DHX57: variants seen among roughly 807,000 people sequenced by gnomAD.
DHX57 encodes the protein putative ATP-dependent RNA helicase DHX57.
A neutral mutation model predicts 156.2 loss-of-function variants in DHX57; 105 were observed. That is an observed-to-expected ratio of 0.67 (90% CI 0.57 to 0.79). DHX57 has a LOEUF of 0.79. Ranked by LOEUF, DHX57 falls within the 30% of genes least tolerant of loss-of-function variation. The pLI is 0.00. For missense variants in DHX57, 1,847 were observed against 1,661.9 expected (o/e 1.11, Z -1.94); for synonymous variants, 704 against 595.6 (o/e 1.18, Z -2.65).
chr2:38,851,096 T>A (rs1036580240), intron 9 of DHX57, among the ~76,000 whole-genome samples: 1 of 152,082 alleles, frequency 6.6e-6, no homozygotes, highest in Non-Finnish European at 1.5e-5. Context: ...GATAATTCAT[T>A]AACTCATGCT....
intron 23 of DHX57, 126 bp downstream of exon 23, chr2:38,802,589 C>T: frequency 2.5e-6 from 3 of 1,219,112 alleles, no homozygotes; most frequent in Non-Finnish European, 3.4e-6. Context: ...GGCTCGGCCA[C>T]CGTCATTCAT....
intron 6 of DHX57, among the ~76,000 whole-genome samples, chr2:38,857,451 A>C (rs1187664514): frequency 1.3e-5 from 2 of 152,208 alleles, no homozygotes; most frequent in Non-Finnish European, 2.9e-5. Flanking sequence ...TCCTACATAT[A>C]ATTTTATCAT....
At chr2:38,846,917 C>T (rs914819962) in intron 11 of DHX57, 102 bp downstream of exon 11, 6 of 904,848 alleles carry the variant, frequency 6.6e-6, no homozygotes, top group African/African-American at 1.7e-5. Flanking sequence ...TTGAACTGGC[C>T]CCAAAAGATC....
Position 38,798,054 on chromosome 2 carries a change from AAGAC to A in DHX57, c.*241_*244del. 2.5e-6 allele frequency: 1 copy of A among 399,836 alleles called. No homozygotes were observed. Among genetic ancestry groups the A allele is most frequent in the Non-Finnish European group, 4.6e-6 (1 of 215,584 alleles). The allele number at this position is 399,836 out of a possible 1,614,324, so 24.8% of individuals were successfully genotyped here. On this transcript the variant is annotated 3_prime_UTR_variant, in exon 24 of 24. Coordinates refer to ENST00000457308, the MANE Select transcript of DHX57 (RefSeq NM_198963.3). ...TCACTCCAGAACAATCACAGAGACA[AAGAC>A]AGGCAAGCTGGGTTTTAGGCTCTCA... is the stretch of plus-strand genomic sequence containing the variant.
intron 12 of DHX57, 44 bp from the exon 13 acceptor site, chr2:38,837,991 G>T: frequency 8.0e-7 from 1 of 1,248,828 alleles, no homozygotes. Context: ...TTTATACCTT[G>T]TTGATGTATT....
intron 7 of DHX57, among the ~76,000 whole-genome samples, chr2:38,855,566 G>A (rs1302451199): frequency 6.6e-6 from 1 of 152,108 alleles, no homozygotes; most frequent in Non-Finnish European, 1.5e-5. Flanking sequence ...CAAAGAAAAG[G>A]AGTATTAGCT....
rs553440987 is a variant in DHX57 at position 38,848,523 on chromosome 2, C to T, written c.2031-121G>A. Reference sequence around the variant, plus strand: ...CTCTGTGAAAAAAAAAAACCATTAACGTTCATAGAACAATATGTCCTGTTC... The same window carrying T: ...CTCTGTGAAAAAAAAAAACCATTAATGTTCATAGAACAATATGTCCTGTTC... On this transcript the variant is annotated intron_variant, in intron 9 of 23. Coordinates refer to ENST00000457308, the MANE Select transcript of DHX57 (RefSeq NM_198963.3). 2.8e-4 allele frequency: 288 copies of T among 1,034,502 alleles called. 1 individual carries two copies. In the African/African-American group the frequency reaches 4.0e-3, roughly 14 times the overall value. 64.1% of individuals were successfully genotyped at this position (1,034,502 alleles called of 1,614,324 possible). A position where few individuals can be genotyped will look rare whatever the true frequency, so the allele number is the denominator to read the frequency against.
intron 13 of DHX57, among the ~76,000 whole-genome samples, chr2:38,836,853 GT>G (rs983070683): frequency 6.6e-6 from 1 of 151,904 alleles, no homozygotes; most frequent in Admixed American, 6.6e-5. Context: ...GTGGTGTGTG[GT>G]TTTTTTCTGT....
chr2:38,874,497 C>A (rs1241152249), intron 1 of DHX57, among the ~76,000 whole-genome samples: 1 of 149,618 alleles, frequency 6.7e-6, no homozygotes, highest in African/African-American at 2.5e-5. Flanking sequence ...GCAACCTCCA[C>A]CTCCCGGGTT....
In DHX57 at chr2:38,821,580, C is replaced by G. The variant is rs548854099; in HGVS notation, c.3291+1413G>C. Among the ~76,000 whole-genome samples, 162 of 152,248 alleles carry G rather than the reference C, an allele frequency of 1.1e-3. 2 individuals carry two copies. In the East Asian group the frequency reaches 0.028, roughly 27 times the overall value. ...TGGTGGCACACACCTGTAATCCCAGCTACTCGGGAGGCTGAGGCAGGAGAA... is the reference window on the plus strand; with the variant it reads ...TGGTGGCACACACCTGTAATCCCAGGTACTCGGGAGGCTGAGGCAGGAGAA... On this transcript the variant is annotated intron_variant, in intron 17 of 23. Coordinates refer to ENST00000457308, the MANE Select transcript of DHX57 (RefSeq NM_198963.3).
At chr2:38,801,505 G>A (rs1408343778) in intron 23 of DHX57, among the ~76,000 whole-genome samples, 2 of 152,210 alleles carry the variant, frequency 1.3e-5, no homozygotes, top group African/African-American at 4.8e-5. Flanking sequence ...TGCCTCCTGG[G>A]TTCAAGTGAT....
Position 38,823,100 on chromosome 2 carries a change from G to C in DHX57, c.3184C>G (p.Leu1062Val). ...LTPLGYHLAS[L>V]PVDVRIGKLM... ...TTGCCAATTCTCACATCCACGGGCA[G>C]AGAGGCCAAATGATACCCAAGAGGG... The change falls in exon 17 of 24, where the codon CTG (leucine) becomes GTG (valine). Residue 1062 changes from leucine (L) to valine (V), a missense_variant. By Grantham distance (32) the Leu-to-Val change is conservative. Transcript: ENST00000457308. The C allele has an allele frequency of 6.2e-7, 1 of 1,614,192 alleles. No individual in the cohort carries two copies.
intron 23 of DHX57, among the ~76,000 whole-genome samples, chr2:38,802,253 C>T (rs1669716375): frequency 6.6e-6 from 1 of 151,630 alleles, no homozygotes; most frequent in Non-Finnish European, 1.5e-5. Flanking sequence ...TTCAGCCTCA[C>T]TCTTTCTTAG....
At chr2:38,828,160 T>C (rs1317091355) in intron 14 of DHX57, among the ~76,000 whole-genome samples, 180 bp downstream of exon 14, 8 of 152,158 alleles carry the variant, frequency 5.3e-5, no homozygotes, top group Admixed American at 1.3e-4. Context: ...CTGGCCAATA[T>C]TTTTCTTTAA....
At position 38,811,542 on chromosome 2, in the gene DHX57, A is replaced by G. The variant is rs1572626221; in HGVS notation, c.3681+2279T>C. On this transcript the variant is annotated intron_variant, in intron 21 of 23. Transcript: ENST00000457308. ...TTCCTTGAAGTCTTCCTTCTGGCCA[A>G]CATTGGCCAGGTAGGCAATAATGTC... 30 of 1,157,418 alleles carry G rather than the reference A, an allele frequency of 2.6e-5. No homozygotes were observed. In the South Asian group the frequency reaches 3.1e-4, roughly 12 times the overall value. 71.7% of individuals were successfully genotyped at this position (1,157,418 alleles called of 1,614,324 possible). A position where few individuals can be genotyped will look rare whatever the true frequency, so the allele number is the denominator to read the frequency against.
chr2:38,826,905 C>A, intron 14 of DHX57, among the ~76,000 whole-genome samples: 1 of 151,970 alleles, frequency 6.6e-6, no homozygotes, highest in Non-Finnish European at 1.5e-5. Context: ...CTGAGGCAGG[C>A]GGATCACCCG....
At position 38,823,075 on chromosome 2, in the gene DHX57, T is replaced by A; in HGVS notation, c.3209A>T (p.Lys1070Ile). ...GAAGATAGACCCAAACAACATTAGT[T>A]TGCCAATTCTCACATCCACGGGCAG... The part of the protein sequence containing the change: ...ASLPVDVRIG[K>I]LMLFGSIFRC... Residue 1070 changes from lysine (K) to isoleucine (I), a missense_variant, in exon 17 of 24, where the codon AAA (lysine) becomes ATA (isoleucine). By Grantham distance (102) the Lys-to-Ile change is moderately radical. Coordinates refer to ENST00000457308, the MANE Select transcript of DHX57 (RefSeq NM_198963.3). 1 of 1,614,120 alleles carries A rather than the reference T, an allele frequency of 6.2e-7. No individual in the cohort carries two copies.
chr2:38,826,089 A>G (rs1214117842), intron 15 of DHX57, 42 bp from the exon 16 acceptor site: 3 of 1,582,134 alleles, frequency 1.9e-6, no homozygotes, highest in Non-Finnish European at 1.7e-6. Context: ...ATTTTATAAA[A>G]ACATGGCCAA....
chr2:38,870,940 A>C (rs991563415), intron 1 of DHX57, among the ~76,000 whole-genome samples: 1 of 152,076 alleles, frequency 6.6e-6, no homozygotes, highest in African/African-American at 2.4e-5. Context: ...AAAAATCCAG[A>C]AAAGCTATCT....
Sources: allele counts gnomAD v4.1 joint callset (sites outside exome capture counted in the v4.1 genomes callset), GRCh38; gene constraint gnomAD v4.1.1; transcripts MANE v1.5; gene names NCBI Gene and HGNC (gene_info 2026-07-23, HGNC 2026-07-21).